SMAD9: variants seen among roughly 807,000 people sequenced by gnomAD.
SMAD9 encodes the protein SMAD family member 9.
Under a neutral mutation model 46.1 loss-of-function variants are expected in SMAD9, and 36 were observed. The ratio of observed to expected loss-of-function variants is 0.78; its 90% CI spans 0.60 to 1.03. The LOEUF (loss-of-function observed/expected upper bound fraction) is 1.03. Ranked by LOEUF, SMAD9 falls within the 50% of genes least tolerant of loss-of-function variation. The pLI is 0.00. For missense variants in SMAD9, 572 were observed against 599.8 expected (o/e 0.95, Z 0.48); for synonymous variants, 245 against 237.1 (o/e 1.03, Z -0.31).
chr13:36,899,864 C>T lies in SMAD9; in HGVS notation c.-186-19989G>A, dbSNP rs1264618280. Among the ~76,000 whole-genome samples, 5 of 152,214 alleles carry T rather than the reference C, an allele frequency of 3.3e-5. No homozygotes were observed. The East Asian group carries it at 9.6e-4, about 29-fold the overall frequency. On this transcript the variant is annotated intron_variant, in intron 1 of 6. Coordinates refer to ENST00000379826, the MANE Select transcript of SMAD9 (RefSeq NM_001127217.3). ...GTCTCCCTGCTTTACACTAGTCCCT[C>T]TATTCATAACACCACAGCCATGTTG...
At chr13:36,865,785 A>G (rs2058227991) in intron 4 of SMAD9, 27 bp from the exon 5 acceptor site, 2 of 1,559,722 alleles carry the variant, frequency 1.3e-6, no homozygotes, top group Non-Finnish European at 1.8e-6. Context: ...CAGAGAACAC[A>G]TGGCTACTGT....
At chr13:36,860,810 A>C (rs993282902) in intron 5 of SMAD9, among the ~76,000 whole-genome samples, 7 of 151,818 alleles carry the variant, frequency 4.6e-5, no homozygotes, top group African/African-American at 1.2e-4. Flanking sequence ...TCATCATCAT[A>C]TTATTATTAT....
chr13:36,909,876 C>T (rs985534062), intron 1 of SMAD9, among the ~76,000 whole-genome samples: 1 of 152,154 alleles, frequency 6.6e-6, no homozygotes, highest in Non-Finnish European at 1.5e-5. Flanking sequence ...GTAGGCTTCA[C>T]TGTGGGAGTT....
intron 1 of SMAD9, among the ~76,000 whole-genome samples, chr13:36,910,821 C>T (rs1308386567): frequency 6.6e-6 from 1 of 152,194 alleles, no homozygotes; most frequent in Non-Finnish European, 1.5e-5. Flanking sequence ...ACAGCACTTA[C>T]CACACTTGAA....
intron 1 of SMAD9, among the ~76,000 whole-genome samples, chr13:36,905,301 G>A (rs944386889): frequency 1.3e-5 from 2 of 152,156 alleles, no homozygotes; most frequent in African/African-American, 4.8e-5. Context: ...TTTCTCTGTT[G>A]TAATTCACTC....
At chr13:36,914,264 A>G (rs984902257) in intron 1 of SMAD9, among the ~76,000 whole-genome samples, 1 of 152,232 alleles carries the variant, frequency 6.6e-6, no homozygotes, top group East Asian at 1.9e-4. Flanking sequence ...TCACGCCTGT[A>G]AACCCAGCAC....
intron 1 of SMAD9, among the ~76,000 whole-genome samples, chr13:36,891,986 T>A (rs1415378325): frequency 1.3e-5 from 2 of 152,164 alleles, no homozygotes; most frequent in African/African-American, 4.8e-5. Flanking sequence ...GGTGAGCTCA[T>A]CCATTGTAAT....
chr13:36,849,557 T>A (rs2058058272), intron 6 of SMAD9: 1 of 152,062 alleles, frequency 6.6e-6, no homozygotes, highest in Non-Finnish European at 1.5e-5. Context: ...AGTGGACCTG[T>A]GATGTCCCCG....
Position 36,846,370 on chromosome 13 carries a change from G to A in SMAD9, c.*2306C>T, listed in dbSNP as rs2058038423. ...GTAGCCTGTAGTCCCAACTACTTGGGAGGCTGAGGCAGGAGAATCACTCGA... is the reference window on the plus strand; with the variant it reads ...GTAGCCTGTAGTCCCAACTACTTGGAAGGCTGAGGCAGGAGAATCACTCGA... On this transcript the variant is annotated 3_prime_UTR_variant, in exon 7 of 7. Coordinates refer to ENST00000379826, the MANE Select transcript of SMAD9 (RefSeq NM_001127217.3). 2.0e-5 allele frequency: 3 copies of A among 151,116 alleles called. No homozygotes were observed. The allele number at this position is 151,116 out of a possible 1,614,324, so 9.4% of individuals were successfully genotyped here. A position where few individuals can be genotyped will look rare whatever the true frequency, so the allele number is the denominator to read the frequency against.
chr13:36,850,920 A>G (rs2058069371), intron 6 of SMAD9, among the ~76,000 whole-genome samples: 1 of 151,972 alleles, frequency 6.6e-6, no homozygotes. Flanking sequence ...TTTTTCTCCC[A>G]CGCCTGATCC....
intron 1 of SMAD9, among the ~76,000 whole-genome samples, chr13:36,903,338 G>C (rs529876774): frequency 6.6e-6 from 1 of 152,010 alleles, no homozygotes; most frequent in Non-Finnish European, 1.5e-5. Context: ...CGTTGGTCAG[G>C]CTGGTCTTGA....
chr13:36,878,868 G>A (rs1329419014), intron 2 of SMAD9, among the ~76,000 whole-genome samples: 2 of 152,080 alleles, frequency 1.3e-5, no homozygotes, highest in African/African-American at 4.8e-5. Context: ...AAACTTTTAT[G>A]GCAGTTTTCT....
chr13:36,854,555 C>T lies in SMAD9; in HGVS notation c.1004-880G>A, dbSNP rs558775959. On this transcript the variant is annotated intron_variant, in intron 5 of 6. Coordinates refer to ENST00000379826, the MANE Select transcript of SMAD9 (RefSeq NM_001127217.3). The stretch of plus-strand genomic sequence containing the variant: ...GCTAATTTTTGTTTTTTAGTAGAGA[C>T]GGGGTTTCACCATGTTGGCCAGGCC... 3.2e-3 allele frequency among the ~76,000 whole-genome samples: 482 copies of T among 152,090 alleles called. 1 individual carries two copies. Among genetic ancestry groups the T allele is most frequent in the African/African-American group, 0.011 (465 of 41,498 alleles).
At position 36,911,628 on chromosome 13, in the gene SMAD9, G is replaced by A. The variant is rs1054307779; in HGVS notation, c.-187+8488C>T. Among the ~76,000 whole-genome samples, 5 of 118,192 alleles carry A rather than the reference G, an allele frequency of 4.2e-5. 1 individual carries two copies. Among genetic ancestry groups the A allele is most frequent in the Admixed American group, 2.8e-4 (3 of 10,652 alleles). The allele number at this position is 118,192 out of a possible 152,430, so 77.5% of individuals were successfully genotyped here. ...CCAAAGGCTGCCTGGGGGGGGGGGG[G>A]GCGGGTGGAGTTCATAAACTGATAA... On this transcript the variant is annotated intron_variant, in intron 1 of 6. Coordinates refer to ENST00000379826, the MANE Select transcript of SMAD9 (RefSeq NM_001127217.3).
intron 3 of SMAD9, among the ~76,000 whole-genome samples, chr13:36,871,641 G>C (rs550538774): frequency 6.6e-6 from 1 of 152,178 alleles, no homozygotes; most frequent in African/African-American, 2.4e-5. Context: ...AAGAAGGCTC[G>C]CTGTTCAATG....
intron 1 of SMAD9, among the ~76,000 whole-genome samples, chr13:36,916,203 G>A (rs1453856681): frequency 6.6e-6 from 1 of 152,174 alleles, no homozygotes; most frequent in Non-Finnish European, 1.5e-5. Flanking sequence ...GCTATGGTGG[G>A]GGGAGGAATC....
rs552769583 is a variant in SMAD9, at chr13:36,844,918, G to A, written c.*3758C>T. ...TAACCGAAGCCAAGTTATTATAATA[G>A]AAAGCATGACTTCACTCAAATAGAC... is the stretch of plus-strand genomic sequence containing the variant. On this transcript the variant is annotated 3_prime_UTR_variant, in exon 7 of 7. Transcript: ENST00000379826. 3 of 150,242 alleles carry A rather than the reference G, an allele frequency of 2.0e-5. No individual in the cohort carries two copies. The highest frequency in any genetic ancestry group is 4.5e-5 in the Non-Finnish European group (3 of 66,766). 9.3% of individuals were successfully genotyped at this position (150,242 alleles called of 1,614,324 possible).
intron 1 of SMAD9, among the ~76,000 whole-genome samples, chr13:36,905,125 G>A (rs1314973798): frequency 1.3e-5 from 2 of 152,140 alleles, no homozygotes; most frequent in African/African-American, 4.8e-5. Context: ...AGGTGCCACT[G>A]GCCTCTAGTG....
intron 5 of SMAD9, among the ~76,000 whole-genome samples, chr13:36,857,140 A>G (rs1288449877): frequency 1.3e-5 from 2 of 152,052 alleles, no homozygotes; most frequent in African/African-American, 4.8e-5. Flanking sequence ...GAAAAGCATG[A>G]ACATGTGCAG....
Sources: allele counts gnomAD v4.1 joint callset (sites outside exome capture counted in the v4.1 genomes callset), GRCh38; gene constraint gnomAD v4.1.1; transcripts MANE v1.5; gene names NCBI Gene and HGNC (gene_info 2026-07-23, HGNC 2026-07-21).